The following DTX3 variants were observed in gnomAD, a reference collection of about 807,000 sequenced individuals.
DTX3 encodes the protein E3 ubiquitin-protein ligase DTX3.
In DTX3, 10 loss-of-function variants were observed where a neutral mutation model predicts 27.4. The observed-to-expected ratio is 0.36, with a 90% CI of 0.22 to 0.62. The LOEUF (loss-of-function observed/expected upper bound fraction) is 0.62. Among genes scored for constraint, DTX3 ranks in the 20% least tolerant of loss-of-function variants. The pLI, the probability that DTX3 is intolerant of heterozygous loss-of-function variation, is 0.68. For synonymous variants in DTX3, 171 were observed against 190.7 expected (o/e 0.90, Z 0.85); for missense variants, 319 against 463.8 (o/e 0.69, Z 2.87).
chr12:57,605,167 G>T (rs1184618211), intron 1 of DTX3: 1 of 152,500 alleles, frequency 6.6e-6, no homozygotes, highest in East Asian at 1.9e-4. Context: ...AGGCCGTGGG[G>T]GGAGGGCGGG....
Position 57,607,287 on chromosome 12 carries a change from CCT to C in DTX3, c.426_427del (p.Leu145AlafsTer78). ...AGGAGCTCGGGGGCTCCCCCCTCCTCCTCCCCCCCTGCCCCCACCTCTTCCTC... is the reference window on the plus strand; with the variant it reads ...AGGAGCTCGGGGGCTCCCCCCTCCTCCCCCCCCTGCCCCCACCTCTTCCTC... The part of the protein sequence containing the change: ...PPGARGLPPP[P>X]PPLPPPLPPR... On this transcript the variant is annotated frameshift_variant, in exon 5 of 7. Transcript: ENST00000337737. LOFTEE classifies it high-confidence loss of function. This position sits in a 1 kb window ranked among gnomAD's most constrained non-coding sequence, Gnocchi z 7.7. 8.0e-7 allele frequency: 1 copy of C among 1,249,276 alleles called. No individual in the cohort carries two copies. The highest frequency in any genetic ancestry group is 1.1e-6 in the Non-Finnish European group (1 of 872,986). 77.4% of individuals were successfully genotyped at this position (1,249,276 alleles called of 1,614,324 possible).
chr12:57,608,811 C>T lies in DTX3; in HGVS notation c.968+74C>T. 2 of 1,536,340 alleles carry T rather than the reference C, an allele frequency of 1.3e-6. No individual in the cohort carries two copies. Among genetic ancestry groups the T allele is most frequent in the Non-Finnish European group, 1.8e-6 (2 of 1,123,894 alleles). On this transcript the variant is annotated intron_variant, in intron 6 of 6. Coordinates refer to ENST00000337737, the MANE Select transcript of DTX3 (RefSeq NM_178502.4). The surrounding 1 kb of genome is among the most constrained non-coding windows in gnomAD (Gnocchi z 6.1). Reference sequence around the variant, plus strand: ...ATTTCCACTGAGGGACCCACCAACCCCTCGCTCACGGAGCCTCCTAACTGG... The same window carrying T: ...ATTTCCACTGAGGGACCCACCAACCTCTCGCTCACGGAGCCTCCTAACTGG...
At position 57,609,379 on chromosome 12, in the gene DTX3, G is replaced by A; in HGVS notation, c.*227G>A. ...CTTCTGGCAGAGGCCGACCTCCAAG[G>A]CTCTGTTCTCCCCTCCCCGTGTACA... On this transcript the variant is annotated 3_prime_UTR_variant, in exon 7 of 7. Transcript: ENST00000337737. 1 of 565,950 alleles carries A rather than the reference G, an allele frequency of 1.8e-6. No homozygotes were observed. Among genetic ancestry groups the A allele is most frequent in the Non-Finnish European group, 3.2e-6 (1 of 315,422 alleles). 35.1% of individuals were successfully genotyped at this position (565,950 alleles called of 1,614,324 possible).
At position 57,607,070 on chromosome 12, in the gene DTX3, G is replaced by A. The variant is rs752823660; in HGVS notation, c.207G>A (p.Pro69=). Residue 69 remains proline (P), a synonymous_variant, in exon 5 of 7, where the codon CCG becomes CCA. Transcript: ENST00000337737. The surrounding 1 kb of genome is among the most constrained non-coding windows in gnomAD (Gnocchi z 7.7). The part of the protein sequence containing the change: ...VLQLSPQGPP[P]APPNGLYLAR... The stretch of plus-strand genomic sequence containing the variant: ...AGCTTTCCCCACAGGGTCCTCCCCC[G>A]GCCCCTCCAAATGGGCTCTACCTAG... The A allele has an allele frequency of 9.9e-6, 16 of 1,614,134 alleles. No homozygotes were observed. Among genetic ancestry groups the A allele is most frequent in the South Asian group, 1.1e-5 (1 of 91,084 alleles).
Position 57,609,090 on chromosome 12 carries a change from G to GGT in DTX3, c.982_983insGT (p.Asp328GlyfsTer6). The GGT allele has an allele frequency of 6.2e-7, 1 of 1,614,150 alleles. No homozygotes were observed. The highest frequency in any genetic ancestry group is 8.5e-7 in the Non-Finnish European group (1 of 1,180,004). ...CTTTGCTCCCAGGTTTGGGTACCCA[G>GGT]ACCCCACCTACCTGACCCGGGTGCA... On this transcript the variant is annotated frameshift_variant, in exon 7 of 7. Transcript: ENST00000337737. LOFTEE classifies it high-confidence loss of function.
chr12:57,608,703 C>T lies in DTX3; in HGVS notation c.934C>T (p.His312Tyr). ...RPNVITWNDI[H>Y]HKTSCTGGPQ... is the part of the protein sequence containing the mutation. ...GAATGTCATCACCTGGAACGACATCCACCACAAGACCAGCTGCACAGGGGG... is the reference window on the plus strand; with the variant it reads ...GAATGTCATCACCTGGAACGACATCTACCACAAGACCAGCTGCACAGGGGG... Residue 312 changes from histidine to tyrosine, a missense_variant, in exon 6 of 7, where the codon CAC (histidine) becomes TAC (tyrosine). Physicochemically the swap from His to Tyr is moderately conservative, Grantham distance 83. Around this residue, in one of 2 missense-constraint regions of DTX3, gnomAD observed 117 missense variants for 258.5 expected, o/e 0.45. Coordinates refer to ENST00000337737, the MANE Select transcript of DTX3 (RefSeq NM_178502.4). This position sits in a 1 kb window ranked among gnomAD's most constrained non-coding sequence, Gnocchi z 6.1. The T allele has an allele frequency of 6.2e-7, 1 of 1,614,194 alleles. No individual in the cohort carries two copies. The highest frequency in any genetic ancestry group is 1.1e-5 in the South Asian group (1 of 91,080).
Position 57,607,050 on chromosome 12 carries a change from T to G in DTX3, c.187T>G (p.Ser63Ala). The change falls in exon 5 of 7, where the codon TCC becomes GCC. Residue 63 changes from serine (S) to alanine (A), a missense_variant. Physicochemically the swap from Ser to Ala is moderately conservative, Grantham distance 99. Coordinates refer to ENST00000337737, the MANE Select transcript of DTX3 (RefSeq NM_178502.4). The surrounding 1 kb of genome is among the most constrained non-coding windows in gnomAD (Gnocchi z 7.7). ...TTCTGACATCTATGTTCTCCAGCTT[T>G]CCCCACAGGGTCCTCCCCCGGCCCC... The part of the protein sequence containing the change: ...ETSDIYVLQL[S>A]PQGPPPAPPN... The G allele has an allele frequency of 6.2e-7, 1 of 1,614,092 alleles. No individual in the cohort carries two copies. The highest frequency in any genetic ancestry group is 8.5e-7 in the Non-Finnish European group (1 of 1,180,020).
In DTX3 at chr12:57,607,831, G is replaced by GA. The variant is rs992798306; in HGVS notation, c.750+228dup. 2.1e-4 allele frequency among the ~76,000 whole-genome samples: 31 copies of GA among 147,474 alleles called. No homozygotes were observed. The highest frequency in any genetic ancestry group is 5.9e-4 in the East Asian group (3 of 5,094). On this transcript the variant is annotated intron_variant, in intron 5 of 6. Coordinates refer to ENST00000337737, the MANE Select transcript of DTX3 (RefSeq NM_178502.4). This position sits in a 1 kb window ranked among gnomAD's most constrained non-coding sequence, Gnocchi z 7.7. Reference sequence around the variant, plus strand: ...CACGTGAAAATCAGATATGAGCTAGGAAAAAAAAAAGCAAATCAGATATGA... The same window carrying GA: ...CACGTGAAAATCAGATATGAGCTAGGAAAAAAAAAAAGCAAATCAGATATGA...
In DTX3 at chr12:57,608,873, T is replaced by G. The variant is rs756268188; in HGVS notation, c.968+136T>G. 2.2e-5 allele frequency: 26 copies of G among 1,175,428 alleles called. No homozygotes were observed. The highest frequency in any genetic ancestry group is 3.1e-5 in the Non-Finnish European group (25 of 807,436). The allele number at this position is 1,175,428 out of a possible 1,614,324, so 72.8% of individuals were successfully genotyped here. A position where few individuals can be genotyped will look rare whatever the true frequency, so the allele number is the denominator to read the frequency against. On this transcript the variant is annotated intron_variant, in intron 6 of 6. Coordinates refer to ENST00000337737, the MANE Select transcript of DTX3 (RefSeq NM_178502.4). The surrounding 1 kb of genome is among the most constrained non-coding windows in gnomAD (Gnocchi z 6.1). ...TCCAAACTGTTCAGCCATCTCAGTT[T>G]CTCCTACATTCAACCTGGTCCTGGT...
Position 57,607,590 on chromosome 12 carries a change from G to T in DTX3, c.727G>T (p.Val243Phe). Residue 243 changes from valine (V) to phenylalanine (F), a missense_variant, in exon 5 of 7, where the codon GTC becomes TTC. Coordinates refer to ENST00000337737, the MANE Select transcript of DTX3 (RefSeq NM_178502.4). This position sits in a 1 kb window ranked among gnomAD's most constrained non-coding sequence, Gnocchi z 7.7. The part of the protein sequence containing the change: ...EKYGTIVIQY[V>F]FPPGVQGAEH... Reference sequence around the variant, plus strand: ...GTACGGCACCATTGTCATCCAGTACGTCTTCCCGCCCGGTGTCCAGGGGGT... The same window carrying T: ...GTACGGCACCATTGTCATCCAGTACTTCTTCCCGCCCGGTGTCCAGGGGGT... The T allele has an allele frequency of 1.2e-6, 2 of 1,614,156 alleles. No individual in the cohort carries two copies. Among genetic ancestry groups the T allele is most frequent in the Non-Finnish European group, 1.7e-6 (2 of 1,180,028 alleles).
In DTX3 at chr12:57,608,482, G is replaced by GGCT; in HGVS notation, c.751-34_751-32dup. The GGCT allele has an allele frequency of 6.4e-7, 1 of 1,554,764 alleles. No homozygotes were observed. ...CTGGCATCTGGGCCTTAGGATGCCTGGCTGCTCACTGCCCACTCTGCTTCA... is the reference window on the plus strand; with the variant it reads ...CTGGCATCTGGGCCTTAGGATGCCTGGCTGCTGCTCACTGCCCACTCTGCTTCA... On this transcript the variant is annotated intron_variant, in intron 5 of 6. Coordinates refer to ENST00000337737, the MANE Select transcript of DTX3 (RefSeq NM_178502.4). The surrounding 1 kb of genome is among the most constrained non-coding windows in gnomAD (Gnocchi z 6.1).
At position 57,608,677 on chromosome 12, in the gene DTX3, C is replaced by G; in HGVS notation, c.908C>G (p.Pro303Arg). The change falls in exon 6 of 7, where the codon CCG (proline) becomes CGG (arginine). Residue 303 changes from proline to arginine, a missense_variant. Physicochemically the swap from Pro to Arg is moderately radical, Grantham distance 103. Transcript: ENST00000337737. This position sits in a 1 kb window ranked among gnomAD's most constrained non-coding sequence, Gnocchi z 6.1. ...TIGTSMTTGR[P>R]NVITWNDIHH... ...GGCACGTCCATGACCACAGGGAGAC[C>G]GAATGTCATCACCTGGAACGACATC... 1.9e-6 allele frequency: 3 copies of G among 1,614,148 alleles called. No homozygotes were observed. The highest frequency in any genetic ancestry group is 2.5e-6 in the Non-Finnish European group (3 of 1,180,014).
intron 2 of DTX3, 154 bp from the exon 3 acceptor site, chr12:57,606,036 A>ATGT (rs1175353519): frequency 6.4e-6 from 1 of 155,278 alleles, no homozygotes; most frequent in Non-Finnish European, 1.4e-5. Flanking sequence ...GAAGGTTAGC[A>ATGT]TGTTGAAGTT....
chr12:57,607,261 C>T lies in DTX3; in HGVS notation c.398C>T (p.Pro133Leu). Residue 133 changes from proline to leucine, a missense_variant, in exon 5 of 7, where the codon CCA becomes CTA. Physicochemically the swap from Pro to Leu is moderately conservative, Grantham distance 98. Coordinates refer to ENST00000337737, the MANE Select transcript of DTX3 (RefSeq NM_178502.4). This position sits in a 1 kb window ranked among gnomAD's most constrained non-coding sequence, Gnocchi z 7.7. ...PPLRAAPLLP[P>L]GARGLPPPPP... Reference sequence around the variant, plus strand: ...CTCCGAGCAGCCCCACTTCTGCCCCCAGGAGCTCGGGGGCTCCCCCCTCCT... The same window carrying T: ...CTCCGAGCAGCCCCACTTCTGCCCCTAGGAGCTCGGGGGCTCCCCCCTCCT... 1 of 1,591,818 alleles carries T rather than the reference C, an allele frequency of 6.3e-7. No homozygotes were observed. Among genetic ancestry groups the T allele is most frequent in the Non-Finnish European group, 8.5e-7 (1 of 1,169,876 alleles).
chr12:57,606,666 C>T, intron 4 of DTX3, 148 bp downstream of exon 4: 1 of 1,359,038 alleles, frequency 7.4e-7, no homozygotes, highest in Non-Finnish European at 1.0e-6. Flanking sequence ...TAATATAGCT[C>T]TGGAAACTTT....
chr12:57,609,343 T>C lies in DTX3; in HGVS notation c.*191T>C. On this transcript the variant is annotated 3_prime_UTR_variant, in exon 7 of 7. Transcript: ENST00000337737. ...ACTGGCCAAGTGTTTCAATGCAGTG[T>C]GAGCCACTCCCTTCTGGCAGAGGCC... 1 of 604,786 alleles carries C rather than the reference T, an allele frequency of 1.7e-6. No homozygotes were observed. The highest frequency in any genetic ancestry group is 3.0e-6 in the Non-Finnish European group (1 of 338,330). The allele number at this position is 604,786 out of a possible 1,614,324, so 37.5% of individuals were successfully genotyped here.
rs1374686208 is a variant in DTX3, at chr12:57,609,107, C to A, written c.999C>A (p.Thr333=). The change falls in exon 7 of 7, where the codon ACC becomes ACA. Residue 333 remains threonine (T), a synonymous_variant. Coordinates refer to ENST00000337737, the MANE Select transcript of DTX3 (RefSeq NM_178502.4). ...LFGYPDPTYL[T]RVQEELRAKG... The stretch of plus-strand genomic sequence containing the variant: ...GGTACCCAGACCCCACCTACCTGAC[C>A]CGGGTGCAAGAGGAGCTGAGAGCGA... The A allele has an allele frequency of 2.5e-6, 4 of 1,614,156 alleles. No homozygotes were observed. Among genetic ancestry groups the A allele is most frequent in the Non-Finnish European group, 3.4e-6 (4 of 1,180,022 alleles).
chr12:57,609,129 G>A lies in DTX3; in HGVS notation c.1021G>A (p.Ala341Thr). ...GACCCGGGTGCAAGAGGAGCTGAGAGCGAAGGGTATCACAGATGACTGAAG... is the reference window on the plus strand; with the variant it reads ...GACCCGGGTGCAAGAGGAGCTGAGAACGAAGGGTATCACAGATGACTGAAG... ...YLTRVQEELR[A>T]KGITDD The change falls in exon 7 of 7, where the codon GCG becomes ACG. Residue 341 changes from alanine to threonine, a missense_variant. By Grantham distance (58) the Ala-to-Thr change is moderately conservative. This residue lies in a region of DTX3 where 117 missense variants were observed against 258.5 expected (regional missense o/e 0.45). Transcript: ENST00000337737. 1.2e-6 allele frequency: 2 copies of A among 1,614,178 alleles called. No individual in the cohort carries two copies. The highest frequency in any genetic ancestry group is 1.7e-6 in the Non-Finnish European group (2 of 1,180,024).
In DTX3 at chr12:57,607,553, C is replaced by G; in HGVS notation, c.690C>G (p.Pro230=). ...CTAAGGACGCCACCCTCCTACTGCC[C>G]AGCTATGAGAAGTACGGCACCATTG... is the stretch of plus-strand genomic sequence containing the variant. ...LVSKDATLLL[P]SYEKYGTIVI... Residue 230 remains proline (P), a synonymous_variant, in exon 5 of 7, where the codon CCC becomes CCG. Transcript: ENST00000337737. This position sits in a 1 kb window ranked among gnomAD's most constrained non-coding sequence, Gnocchi z 7.7. The G allele has an allele frequency of 6.2e-7, 1 of 1,614,202 alleles. No individual in the cohort carries two copies. The highest frequency in any genetic ancestry group is 8.5e-7 in the Non-Finnish European group (1 of 1,180,028).
Sources: gnomAD v4.1 joint callset for allele counts (sites outside exome capture counted in the v4.1 genomes callset) on GRCh38, gnomAD v4.1.1 for gene constraint, gnomAD v4.1.1 regional missense constraint, Gnocchi (gnomAD v3.1) non-coding constraint, MANE v1.5 for transcripts, NCBI Gene and HGNC (gene_info 2026-07-23, HGNC 2026-07-21) for gene names.